LRRC7: variants seen among roughly 807,000 people sequenced by gnomAD.
LRRC7 encodes leucine rich repeat containing 7.
In LRRC7, 23 loss-of-function variants were observed where a neutral mutation model predicts 175.7. The ratio of observed to expected loss-of-function variants is 0.13; its 90% confidence interval spans 0.09 to 0.19. LRRC7 has a LOEUF of 0.19. Ranked by LOEUF, LRRC7 falls within the 10% of genes least tolerant of loss-of-function variation. LRRC7 has a pLI of 1.00. For missense variants in LRRC7, 1,354 were observed against 1,904.7 expected (o/e 0.71, Z 5.38); for synonymous variants, 685 against 680.9 (o/e 1.01, Z -0.09).
At chr1:69,569,002 T>C (rs1056292861) in intron 1 of LRRC7, among the ~76,000 whole-genome samples, 2 of 152,172 alleles carry the variant, frequency 1.3e-5, no homozygotes, top group Non-Finnish European at 2.9e-5. Flanking sequence ...CGTTATTATC[T>C]TGGGTATCTC....
rs1191844993 is a variant in LRRC7 at position 70,130,107 on chromosome 1, A to AT, written c.*8226dup. ...TTCTGTACTCAGCACTACCATATTA[A>AT]TTTTTTCTTATGTTTTTTAGTATCT... On this transcript the variant is annotated 3_prime_UTR_variant, in exon 27 of 27. Transcript: ENST00000651989. 2.0e-5 allele frequency: 3 copies of AT among 151,876 alleles called. No individual in the cohort carries two copies. Among genetic ancestry groups the AT allele is most frequent in the Admixed American group, 2.0e-4 (3 of 15,238 alleles). The allele number at this position is 151,876 out of a possible 1,614,324, so 9.4% of individuals were successfully genotyped here. A position where few individuals can be genotyped will look rare whatever the true frequency, so the allele number is the denominator to read the frequency against.
intron 8 of LRRC7, among the ~76,000 whole-genome samples, chr1:69,936,239 G>A (rs1039449992): frequency 6.6e-6 from 1 of 152,134 alleles, no homozygotes; most frequent in Non-Finnish European, 1.5e-5. Context: ...CTTTTTGTAT[G>A]CATTTAGAAT....
At chr1:70,062,237 T>C (rs1661634247) in intron 23 of LRRC7, among the ~76,000 whole-genome samples, 1 of 152,122 alleles carries the variant, frequency 6.6e-6, no homozygotes, top group Non-Finnish European at 1.5e-5. Context: ...TAGTTATTGC[T>C]CTGGAACAGA....
intron 1 of LRRC7, among the ~76,000 whole-genome samples, chr1:69,618,556 GT>G (rs1163524457): frequency 6.6e-6 from 1 of 152,080 alleles, no homozygotes; most frequent in Non-Finnish European, 1.5e-5. Context: ...AGAGACAATT[GT>G]TTTTGGTCTT....
intron 26 of LRRC7, among the ~76,000 whole-genome samples, chr1:70,110,464 T>G (rs540881463): frequency 6.6e-6 from 1 of 152,270 alleles, no homozygotes; most frequent in South Asian, 2.1e-4. Context: ...AATTCTAGAA[T>G]TATATGTGGG....
At chr1:69,779,615 C>T (rs1673246281) in intron 3 of LRRC7, among the ~76,000 whole-genome samples, 1 of 152,164 alleles carries the variant, frequency 6.6e-6, no homozygotes, top group East Asian at 1.9e-4. Context: ...AATAACCTTC[C>T]TCTTCCAAAG....
intron 2 of LRRC7, among the ~76,000 whole-genome samples, chr1:69,757,769 C>T (rs1323240936): frequency 6.6e-6 from 1 of 151,834 alleles, no homozygotes; most frequent in African/African-American, 2.4e-5. Flanking sequence ...GAAGCATGAA[C>T]AATTGATTTA....
At chr1:70,077,294 T>C (rs1207206314) in intron 24 of LRRC7, among the ~76,000 whole-genome samples, 1 of 152,196 alleles carries the variant, frequency 6.6e-6, no homozygotes, top group Non-Finnish European at 1.5e-5. Flanking sequence ...CTCAGAATCA[T>C]AGGTGCATTG....
chr1:70,083,435 G>T (rs1165570440), intron 24 of LRRC7, among the ~76,000 whole-genome samples: 1 of 152,140 alleles, frequency 6.6e-6, no homozygotes, highest in Non-Finnish European at 1.5e-5. Flanking sequence ...GGAGCTAAAA[G>T]TAGCAGTAAC....
intron 26 of LRRC7, among the ~76,000 whole-genome samples, chr1:70,118,258 C>T (rs549072226): frequency 6.6e-6 from 1 of 151,928 alleles, no homozygotes; most frequent in South Asian, 2.1e-4. Context: ...TTAACAAATA[C>T]AATGTCAATT....
chr1:69,821,749 G>A (rs991980191), intron 4 of LRRC7, among the ~76,000 whole-genome samples: 3 of 151,908 alleles, frequency 2.0e-5, no homozygotes, highest in Non-Finnish European at 4.4e-5. Flanking sequence ...CAAAAAATTA[G>A]CCTGGTGTGT....
chr1:69,871,732 A>T (rs1325179013), intron 7 of LRRC7, among the ~76,000 whole-genome samples: 1 of 151,990 alleles, frequency 6.6e-6, no homozygotes, highest in Non-Finnish European at 1.5e-5. Flanking sequence ...AAAAATAAAC[A>T]CATAAAACCC....
intron 5 of LRRC7, among the ~76,000 whole-genome samples, chr1:69,828,831 T>C (rs1160672284): frequency 1.3e-5 from 2 of 152,022 alleles, no homozygotes; most frequent in Non-Finnish European, 2.9e-5. Context: ...ATTCACAACA[T>C]ATAAAACTTA....
intron 8 of LRRC7, among the ~76,000 whole-genome samples, chr1:69,978,950 A>C (rs12022942): frequency 0.05 from 7,479 of 150,206 alleles, 181 homozygotes; most frequent in South Asian, 0.11. Context: ...AAAAAAAAAA[A>C]ACAGAAAATC....
chr1:69,682,303 C>T (rs904100614), intron 2 of LRRC7, among the ~76,000 whole-genome samples: 1 of 152,010 alleles, frequency 6.6e-6, no homozygotes, highest in Non-Finnish European at 1.5e-5. Flanking sequence ...TACACCATTG[C>T]CTTTGCCATA....
chr1:69,818,821 G>A (rs954646984), intron 4 of LRRC7, among the ~76,000 whole-genome samples: 5 of 151,978 alleles, frequency 3.3e-5, no homozygotes, highest in African/African-American at 1.2e-4. Context: ...TTCAGTCTAA[G>A]CAGGCTCTAT....
At chr1:70,023,987 G>C (rs1481643623) in intron 17 of LRRC7, among the ~76,000 whole-genome samples, 1 of 151,816 alleles carries the variant, frequency 6.6e-6, no homozygotes, top group African/African-American at 2.4e-5. Flanking sequence ...GAGGTTAATG[G>C]GGGGAAAAAC....
At chr1:70,112,369 C>G (rs1451191895) in intron 26 of LRRC7, among the ~76,000 whole-genome samples, 2 of 152,148 alleles carry the variant, frequency 1.3e-5, no homozygotes, top group East Asian at 3.8e-4. Flanking sequence ...CAATTCCACT[C>G]CACATCCTGA....
rs528628184 is a variant in LRRC7, at chr1:70,107,546, T to C, written c.4546-206T>C. 2.0e-5 allele frequency among the ~76,000 whole-genome samples: 3 copies of C among 152,316 alleles called. No individual in the cohort carries two copies. In the East Asian group the frequency reaches 5.8e-4, roughly 29 times the overall value. ...ATTGCACTTTCAAAACAAGATAAGC[T>C]TCTTTTTGCAAGCAAAAATGTTGCT... On this transcript the variant is annotated intron_variant, in intron 25 of 26. Transcript: ENST00000651989.
Sources: gnomAD v4.1 joint callset for allele counts (sites outside exome capture counted in the v4.1 genomes callset) on GRCh38, gnomAD v4.1.1 for gene constraint, MANE v1.5 for transcripts, NCBI Gene and HGNC (gene_info 2026-07-23, HGNC 2026-07-21) for gene names.